SF3A3: variants seen among roughly 807,000 people sequenced by gnomAD.
SF3A3 encodes SAP 61.
A neutral mutation model predicts 85.8 loss-of-function variants in SF3A3; 9 were observed. The observed-to-expected ratio is 0.10, with a 90% CI of 0.06 to 0.18. The LOEUF (loss-of-function observed/expected upper bound fraction) is 0.18. SF3A3 is among the 10% of genes least tolerant of loss of function. The pLI, the probability that SF3A3 is intolerant of heterozygous loss-of-function variation, is 1.00. For missense variants in SF3A3, 306 were observed against 593.3 expected, an observed-to-expected ratio of 0.52 and a Z score of 5.03; for synonymous variants, 195 against 204.4, an observed-to-expected ratio of 0.95 and a Z score of 0.39.
Position 37,968,098 on chromosome 1 carries a change from T to A in SF3A3, c.1318A>T (p.Ile440Phe). 6.2e-7 allele frequency: 1 copy of A among 1,612,814 alleles called. No individual in the cohort carries two copies. The highest frequency in any genetic ancestry group is 8.5e-7 in the Non-Finnish European group (1 of 1,178,874). Residue 440 changes from isoleucine to phenylalanine, a missense_variant, in exon 15 of 17, where the codon ATC becomes TTC. Physicochemically the swap from Ile to Phe is conservative, Grantham distance 21 (BLOSUM62 0). This residue lies in a region of SF3A3 where 18 missense variants were observed against 77.4 expected (regional missense o/e 0.23). Coordinates refer to ENST00000373019, the MANE Select transcript of SF3A3 (RefSeq NM_006802.4). ...RHAHGMRCLG[I>F]PNTAHFANVT... Reference sequence around the variant, plus strand: ...TTAGCAAAGTGAGCAGTGTTTGGGATGCCCAAACACCTCATGCCATGAGCA... The same window carrying A: ...TTAGCAAAGTGAGCAGTGTTTGGGAAGCCCAAACACCTCATGCCATGAGCA...
intron 1 of SF3A3, 123 bp downstream of exon 1, chr1:37,989,747 G>A (rs548438148): frequency 2.0e-5 from 24 of 1,210,848 alleles, no homozygotes; most frequent in South Asian, 9.2e-5. Context: ...ACCAAGACCG[G>A]AGCTCGGAGA....
At chr1:37,971,630 C>T (rs994913234) in intron 12 of SF3A3, among the ~76,000 whole-genome samples, 1 of 152,178 alleles carries the variant, frequency 6.6e-6, no homozygotes, top group East Asian at 1.9e-4. Context: ...CAAACTGAAT[C>T]CAGCAGCACA....
At chr1:37,958,334 C>G in intron 16 of SF3A3, 71 bp from the exon 17 acceptor site, 1 of 1,050,062 alleles carries the variant, frequency 9.5e-7, no homozygotes, top group Non-Finnish European at 1.5e-6. Context: ...TCTCTAAGTA[C>G]CTGAGCTCAT....
Position 37,987,666 on chromosome 1 carries a change from C to T in SF3A3, c.210G>A (p.Glu70=). The change falls in exon 4 of 17, where the codon GAG becomes GAA. Residue 70 remains glutamate (E), a synonymous_variant. Transcript: ENST00000373019. The part of the protein sequence containing the change: ...LYDDKDGLRK[E]ELNAISGPNE... The stretch of plus-strand genomic sequence containing the variant: ...TGGGTCCTGAAATGGCATTGAGCTC[C>T]TCCTTTCGTAATCTGCAATTTCAGG... The T allele has an allele frequency of 1.2e-6, 2 of 1,613,980 alleles. No individual in the cohort carries two copies. Among genetic ancestry groups the T allele is most frequent in the Non-Finnish European group, 1.7e-6 (2 of 1,179,882 alleles).
intron 12 of SF3A3, among the ~76,000 whole-genome samples, chr1:37,973,938 G>A (rs1279863039): frequency 6.6e-6 from 1 of 152,200 alleles, no homozygotes; most frequent in African/African-American, 2.4e-5. Flanking sequence ...GTAGGGACAT[G>A]GATGAAGCTA....
chr1:37,962,227 G>A (rs1646265538), intron 15 of SF3A3, among the ~76,000 whole-genome samples: 1 of 126,396 alleles, frequency 7.9e-6, no homozygotes, highest in Admixed American at 9.7e-5. Context: ...CATGTTCTTT[G>A]CCAAAGCCCT....
Position 37,962,709 on chromosome 1 carries a change from TA to T in SF3A3, c.1373-2535del, listed in dbSNP as rs943664102. Among the ~76,000 whole-genome samples the T allele has an allele frequency of 9.2e-4, 138 of 149,422 alleles. 1 individual carries two copies. The highest frequency in any genetic ancestry group is 3.0e-3 in the African/African-American group (123 of 40,618). On this transcript the variant is annotated intron_variant, in intron 15 of 16. Transcript: ENST00000373019. The stretch of plus-strand genomic sequence containing the variant: ...GGCTCTTTCTTAGCTTTTGTACAGT[TA>T]AAAAAAAATCATAAATCTAAACCAA...
chr1:37,984,847 GC>G, intron 4 of SF3A3, 68 bp from the exon 5 acceptor site: 2 of 1,324,842 alleles, frequency 1.5e-6, no homozygotes, highest in Non-Finnish European at 2.2e-6. Context: ...TCACTCTGTG[GC>G]CCAGGCTGGA....
chr1:37,983,604 A>AAAAAAAAAAAAAAAC, intron 6 of SF3A3, among the ~76,000 whole-genome samples: 1 of 144,494 alleles, frequency 6.9e-6, no homozygotes, highest in Non-Finnish European at 1.5e-5. Flanking sequence ...AAAAAAAAAA[A>AAAAAAAAAAAAAAAC]AAAAGATTTA....
At chr1:37,974,074 C>A (rs573942023) in intron 12 of SF3A3, among the ~76,000 whole-genome samples, 249 of 152,010 alleles carry the variant, frequency 1.6e-3, no homozygotes, top group Non-Finnish European at 2.7e-3. Context: ...CACATCGGGA[C>A]CTGTTGTGGG....
At chr1:37,986,320 G>T (rs1032576873) in intron 4 of SF3A3, among the ~76,000 whole-genome samples, 2 of 152,250 alleles carry the variant, frequency 1.3e-5, no homozygotes, top group African/African-American at 4.8e-5. Flanking sequence ...CTTGTGACCA[G>T]ATTTCCATTC....
At chr1:37,963,496 G>A (rs1646276672) in intron 15 of SF3A3, among the ~76,000 whole-genome samples, 1 of 151,610 alleles carries the variant, frequency 6.6e-6, no homozygotes, top group Non-Finnish European at 1.5e-5. Context: ...GACTAACCTA[G>A]ACAGCTAAGT....
intron 12 of SF3A3, among the ~76,000 whole-genome samples, chr1:37,974,023 T>C (rs566839543): frequency 4.6e-4 from 70 of 152,144 alleles, no homozygotes; most frequent in African/African-American, 8.4e-4. Context: ...TAGGTGGGAA[T>C]TGAACAATGA....
chr1:37,985,577 T>C (rs1298007679), intron 4 of SF3A3, among the ~76,000 whole-genome samples: 1 of 152,230 alleles, frequency 6.6e-6, no homozygotes, highest in Non-Finnish European at 1.5e-5. Context: ...CATGCCTGCA[T>C]AGGTTTTTGT....
intron 4 of SF3A3, among the ~76,000 whole-genome samples, chr1:37,985,857 T>G (rs555249663): frequency 6.6e-6 from 1 of 152,116 alleles, no homozygotes; most frequent in Non-Finnish European, 1.5e-5. Flanking sequence ...CTGTTTTTAG[T>G]CTCTTCCTTT....
intron 6 of SF3A3, among the ~76,000 whole-genome samples, chr1:37,983,833 G>A (rs1646437388): frequency 6.6e-6 from 1 of 151,782 alleles, no homozygotes; most frequent in South Asian, 2.1e-4. Flanking sequence ...CAAATACTCA[G>A]AAGGCTAAGG....
At chr1:37,989,826 G>C (rs200456728) in intron 1 of SF3A3, 44 bp downstream of exon 1, 1 of 1,480,386 alleles carries the variant, frequency 6.8e-7, no homozygotes, top group Non-Finnish European at 9.4e-7. Flanking sequence ...ACACGGGATA[G>C]AGGCTCGTGC....
chr1:37,978,738 T>G lies in SF3A3; in HGVS notation c.917A>C (p.Lys306Thr), dbSNP rs1646396730. The G allele has an allele frequency of 6.4e-7, 1 of 1,563,796 alleles. No individual in the cohort carries two copies. Among genetic ancestry groups the G allele is most frequent in the African/African-American group, 1.4e-5 (1 of 73,748 alleles). The change falls in exon 11 of 17, where the codon AAG (lysine) becomes ACG (threonine). Residue 306 changes from lysine to threonine, a missense_variant. Physicochemically the swap from Lys to Thr is moderately conservative, Grantham distance 78 (BLOSUM62 -1). Coordinates refer to ENST00000373019, the MANE Select transcript of SF3A3 (RefSeq NM_006802.4). Reference sequence around the variant, plus strand: ...CACTCACCGCTTGGTGCCCTTTGACTTGGGATTTTTGGCAAACAAAGAGGT... The same window carrying G: ...CACTCACCGCTTGGTGCCCTTTGACGTGGGATTTTTGGCAAACAAAGAGGT... The part of the protein sequence containing the change: ...LDTSLFAKNP[K>T]SKGTKRDTER...
chr1:37,973,094 G>A (rs558301001), intron 12 of SF3A3, among the ~76,000 whole-genome samples: 33 of 152,160 alleles, frequency 2.2e-4, no homozygotes, highest in South Asian at 1.0e-3. Context: ...CAGGAGAATC[G>A]CTTGGAACCA....
Sources: allele counts gnomAD v4.1 joint callset (sites outside exome capture counted in the v4.1 genomes callset), GRCh38; gene constraint gnomAD v4.1.1; regional missense constraint gnomAD v4.1.1; transcripts MANE v1.5; gene names NCBI Gene and HGNC (gene_info 2026-07-23, HGNC 2026-07-21).